The following TUBGCP4 variants were observed in gnomAD, a reference collection of about 807,000 sequenced individuals.
TUBGCP4 encodes the protein tubulin gamma complex component 4.
In TUBGCP4, 54 loss-of-function variants were observed where a neutral mutation model predicts 91.6. That is an observed-to-expected ratio of 0.59 (90% CI 0.47 to 0.74). The LOEUF is 0.74. Among genes scored for constraint, TUBGCP4 ranks in the 30% least tolerant of loss-of-function variants. The pLI, the probability that TUBGCP4 is intolerant of heterozygous loss-of-function variation, is 0.00. For synonymous variants in TUBGCP4, 297 were observed against 302.8 expected, an observed-to-expected ratio of 0.98 and a Z score of 0.20; for missense variants, 593 against 800.9, an observed-to-expected ratio of 0.74 and a Z score of 3.13.
At chr15:43,401,985 T>A in intron 15 of TUBGCP4, 135 bp downstream of exon 15, 1 of 1,214,446 alleles carries the variant, frequency 8.2e-7, no homozygotes, top group Non-Finnish European at 1.1e-6. Flanking sequence ...TAAGAATGTG[T>A]AAAGCGGCGG....
chr15:43,395,411 A>T, intron 10 of TUBGCP4, 172 bp from the exon 11 acceptor site: 1 of 683,244 alleles, frequency 1.5e-6, no homozygotes, highest in Non-Finnish European at 2.6e-6. Context: ...CACACCAGTC[A>T]TCCTGCTATG....
chr15:43,398,015 T>G (rs182610631), intron 12 of TUBGCP4, 26 bp from the exon 13 acceptor site: 2 of 1,589,926 alleles, frequency 1.3e-6, no homozygotes, highest in Non-Finnish European at 1.7e-6. Flanking sequence ...TATCTTTTCT[T>G]TTTTTCTTTT....
At chr15:43,376,369 T>G in intron 2 of TUBGCP4, 134 bp from the exon 3 acceptor site, 1 of 1,597,822 alleles carries the variant, frequency 6.3e-7, no homozygotes, top group Non-Finnish European at 8.6e-7. Flanking sequence ...TTCTCATCAC[T>G]AGAAATATTC....
chr15:43,386,104 G>A, intron 8 of TUBGCP4, 102 bp from the exon 9 acceptor site: 1 of 1,529,146 alleles, frequency 6.5e-7, no homozygotes, highest in Non-Finnish European at 8.8e-7. Context: ...TGTCTGAGAA[G>A]CAGGTGAAGT....
intron 9 of TUBGCP4, among the ~76,000 whole-genome samples, chr15:43,389,837 T>C (rs1463467250): frequency 1.3e-5 from 2 of 152,086 alleles, no homozygotes; most frequent in Admixed American, 6.6e-5. Flanking sequence ...TAGTCAGGTT[T>C]TACGTGGCAG....
intron 4 of TUBGCP4, chr15:43,377,487 G>A (rs761776113): frequency 4.0e-5 from 12 of 299,192 alleles, no homozygotes; most frequent in Non-Finnish European, 7.4e-5. Context: ...GTCGGTTGTG[G>A]TGGCGTGCAC....
chr15:43,408,163 T>C lies in TUBGCP4; in HGVS notation c.*2949T>C, dbSNP rs1364365527. 4 of 1,440,592 alleles carry C rather than the reference T, an allele frequency of 2.8e-6. No individual in the cohort carries two copies. In the African/African-American group the frequency reaches 4.2e-5, roughly 15 times the overall value. The allele number at this position is 1,440,592 out of a possible 1,614,324, so 89.2% of individuals were successfully genotyped here. A position where few individuals can be genotyped will look rare whatever the true frequency, so the allele number is the denominator to read the frequency against. ...AACTGCCTTTCTGCAAAGGGACTCA[T>C]GTACATCTGAATGCTTTCAAAAATA... On this transcript the variant is annotated 3_prime_UTR_variant, in exon 18 of 18. Transcript: ENST00000564079.
intron 9 of TUBGCP4, among the ~76,000 whole-genome samples, chr15:43,388,129 G>A (rs1471575544): frequency 1.3e-5 from 2 of 152,084 alleles, no homozygotes; most frequent in Non-Finnish European, 2.9e-5. Context: ...AAGATTACAG[G>A]TGTGAGCCAC....
At chr15:43,388,378 C>T (rs1231226223) in intron 9 of TUBGCP4, among the ~76,000 whole-genome samples, 2 of 152,332 alleles carry the variant, frequency 1.3e-5, no homozygotes, top group Admixed American at 6.5e-5. Flanking sequence ...GTGATATAGA[C>T]ACAGAATGTT....
rs759252156 is a variant in TUBGCP4 at position 43,398,099 on chromosome 15, A to G, written c.1338A>G (p.Ala446=). ...SRETSPREAP[A]SGWAALGLSY... ...AAACTTCTCCCCGGGAAGCCCCTGC[A>G]TCTGGCTGGGCAGCCCTAGGTCTTT... The change falls in exon 13 of 18, where the codon GCA becomes GCG. Residue 446 remains alanine (A), a synonymous_variant. Transcript: ENST00000564079. The G allele has an allele frequency of 6.2e-7, 1 of 1,614,160 alleles. No homozygotes were observed. The highest frequency in any genetic ancestry group is 8.5e-7 in the Non-Finnish European group (1 of 1,179,998).
chr15:43,383,236 G>T, intron 6 of TUBGCP4, 67 bp from the exon 7 acceptor site: 3 of 1,355,252 alleles, frequency 2.2e-6, no homozygotes, highest in South Asian at 1.5e-5. Flanking sequence ...CAAATTCTCA[G>T]GCCTCTGTTT....
chr15:43,404,758 C>G (rs567430793), intron 17 of TUBGCP4: 12 of 603,778 alleles, frequency 2.0e-5, no homozygotes, highest in South Asian at 7.1e-5. Flanking sequence ...ACTAAAAAAC[C>G]TGACAGTGAG....
chr15:43,399,920 G>C, intron 13 of TUBGCP4, 124 bp from the exon 14 acceptor site: 1 of 588,480 alleles, frequency 1.7e-6, no homozygotes, highest in Non-Finnish European at 2.9e-6. Context: ...TACATCTCTA[G>C]TCACTCTTTC....
At chr15:43,393,802 T>G (rs1241180430) in intron 9 of TUBGCP4, among the ~76,000 whole-genome samples, 1 of 152,180 alleles carries the variant, frequency 6.6e-6, no homozygotes, top group Non-Finnish European at 1.5e-5. Context: ...CTGCATAGTA[T>G]TCCATGGTGT....
chr15:43,372,965 A>G (rs1356787956), intron 1 of TUBGCP4, among the ~76,000 whole-genome samples: 3 of 152,222 alleles, frequency 2.0e-5, no homozygotes, highest in Non-Finnish European at 2.9e-5. Flanking sequence ...TTTCTGCCAC[A>G]TAGCAGGTGT....
At chr15:43,399,937 G>A (rs908634249) in intron 13 of TUBGCP4, 107 bp from the exon 14 acceptor site, 2 of 677,124 alleles carry the variant, frequency 3.0e-6, no homozygotes, top group Non-Finnish European at 4.8e-6. Context: ...TTTCCTTACT[G>A]CCTGTTTGTG....
chr15:43,388,351 TCATCAGAGGTAGAG>T (rs1427739472), intron 9 of TUBGCP4, among the ~76,000 whole-genome samples: 1 of 152,238 alleles, frequency 6.6e-6, no homozygotes, highest in East Asian at 1.9e-4. Context: ...AAACTCCTGG[TCATCAGAGGTAGAG>T]CTGTGATATA....
intron 17 of TUBGCP4, 35 bp downstream of exon 17, chr15:43,404,587 T>C (rs1318790840): frequency 6.2e-7 from 1 of 1,605,224 alleles, no homozygotes; most frequent in Non-Finnish European, 8.5e-7. Flanking sequence ...AGTAGACTTT[T>C]TAAGGTGGCT....
intron 13 of TUBGCP4, 35 bp from the exon 14 acceptor site, chr15:43,400,008 AT>A: frequency 6.4e-7 from 1 of 1,570,408 alleles, no homozygotes; most frequent in Middle Eastern, 1.7e-4. Context: ...AGGGGATGAA[AT>A]TTTTGTCTTG....
Sources: allele counts gnomAD v4.1 joint callset (sites outside exome capture counted in the v4.1 genomes callset), GRCh38; gene constraint gnomAD v4.1.1; transcripts MANE v1.5; gene names NCBI Gene and HGNC (gene_info 2026-07-23, HGNC 2026-07-21).